PTPRD: variants seen among roughly 807,000 people sequenced by gnomAD.
PTPRD encodes protein tyrosine phosphatase receptor type D.
Under a neutral mutation model 214.5 loss-of-function variants are expected in PTPRD, and 34 were observed. The ratio of observed to expected loss-of-function variants is 0.16; its 90% CI spans 0.12 to 0.21. The LOEUF (loss-of-function observed/expected upper bound fraction) is 0.21. Among genes scored for constraint, PTPRD ranks in the 10% least tolerant of loss-of-function variants. PTPRD has a pLI of 1.00. For synonymous variants in PTPRD, 1,128 were observed against 845.7 expected, an observed-to-expected ratio of 1.33 and a Z score of -5.79; for missense variants, 2,545 against 2,398.7, an observed-to-expected ratio of 1.06 and a Z score of -1.27.
At chr9:10,421,950 G>A (rs1469582411) in intron 2 of PTPRD, among the ~76,000 whole-genome samples, 1 of 151,842 alleles carries the variant, frequency 6.6e-6, no homozygotes, top group Non-Finnish European at 1.5e-5. Flanking sequence ...AGATTAGTAT[G>A]GAGAATGATT....
rs530162196 is a variant in PTPRD, at chr9:9,019,573, G to A, written c.-142-838C>T. 7.2e-5 allele frequency among the ~76,000 whole-genome samples: 11 copies of A among 152,146 alleles called. No individual in the cohort carries two copies. The South Asian group carries it at 1.0e-3, about 14-fold the overall frequency. On this transcript the variant is annotated intron_variant, in intron 10 of 45. Transcript: ENST00000381196. ...TACAAATAATTAGCCAGGCGTGGTC[G>A]TGTGCATCTGTAATCCCAGCTACTC...
chr9:8,561,997 G>T (rs1051145891), intron 14 of PTPRD, among the ~76,000 whole-genome samples: 1 of 152,054 alleles, frequency 6.6e-6, no homozygotes, highest in African/African-American at 2.4e-5. Flanking sequence ...GTTTCCTAAA[G>T]ACCTACCATT....
At chr9:9,915,668 C>T (rs964307376) in intron 5 of PTPRD, among the ~76,000 whole-genome samples, 1 of 150,802 alleles carries the variant, frequency 6.6e-6, no homozygotes, top group Non-Finnish European at 1.5e-5. Flanking sequence ...GAAAACAGAT[C>T]TTTTTAAATG....
At chr9:10,063,902 G>A (rs1457822397) in intron 3 of PTPRD, among the ~76,000 whole-genome samples, 4 of 151,940 alleles carry the variant, frequency 2.6e-5, no homozygotes, top group African/African-American at 7.2e-5. Context: ...AAATTACAAA[G>A]TTCAAAGAGC....
At chr9:9,887,473 G>A (rs188693594) in intron 5 of PTPRD, among the ~76,000 whole-genome samples, 2 of 152,230 alleles carry the variant, frequency 1.3e-5, no homozygotes, top group East Asian at 3.9e-4. Flanking sequence ...TAATACTTGT[G>A]TAGGACCACA....
intron 10 of PTPRD, among the ~76,000 whole-genome samples, chr9:9,099,814 C>T (rs115628327): frequency 6.6e-6 from 1 of 152,222 alleles, no homozygotes; most frequent in African/African-American, 2.4e-5. Flanking sequence ...GTCACTGTGA[C>T]ATCTACAGCT....
At chr9:9,912,968 A>C (rs1441858431) in intron 5 of PTPRD, among the ~76,000 whole-genome samples, 1 of 152,182 alleles carries the variant, frequency 6.6e-6, no homozygotes. Context: ...TTATGAATGC[A>C]AATAAAGACA....
intron 5 of PTPRD, among the ~76,000 whole-genome samples, chr9:9,790,110 T>C (rs903034243): frequency 6.6e-6 from 1 of 152,166 alleles, no homozygotes; most frequent in Non-Finnish European, 1.5e-5. Context: ...GGTGGGAATA[T>C]CTGGCTGGGA....
At chr9:10,031,647 T>TATATATATATATATATATACAC in intron 4 of PTPRD, among the ~76,000 whole-genome samples, 15 of 89,650 alleles carry the variant, frequency 1.7e-4, no homozygotes, top group African/African-American at 1.1e-3. Context: ...TATATATATA[T>TATATATATATATATATATACAC]ACACACACAC....
intron 27 of PTPRD, among the ~76,000 whole-genome samples, chr9:8,489,125 T>C (rs1485473755): frequency 6.6e-6 from 1 of 152,242 alleles, no homozygotes; most frequent in Non-Finnish European, 1.5e-5. Context: ...TTTCACTTTA[T>C]AATATTGCTA....
At chr9:10,363,538 T>G (rs2097437510) in intron 2 of PTPRD, among the ~76,000 whole-genome samples, 1 of 152,232 alleles carries the variant, frequency 6.6e-6, no homozygotes, top group South Asian at 2.1e-4. Context: ...TGCAATGATT[T>G]GTCTGGATAT....
intron 9 of PTPRD, among the ~76,000 whole-genome samples, chr9:9,207,883 T>A (rs1156305393): frequency 6.6e-6 from 1 of 151,920 alleles, no homozygotes; most frequent in East Asian, 1.9e-4. Context: ...CAAAAAGGAA[T>A]GAGAAATAAC....
Position 8,316,737 on chromosome 9 carries a change from G to C in PTPRD, c.*1137C>G. 1 of 230,114 alleles carries C rather than the reference G, an allele frequency of 4.3e-6. No homozygotes were observed. 14.3% of individuals were successfully genotyped at this position (230,114 alleles called of 1,614,324 possible). A position where few individuals can be genotyped will look rare whatever the true frequency, so the allele number is the denominator to read the frequency against. Reference sequence around the variant, plus strand: ...GATTGGTTAGGTGGGGGTAGATTAGGTAGGAAATCAGGGGGTGAGGTTTGA... The same window carrying C: ...GATTGGTTAGGTGGGGGTAGATTAGCTAGGAAATCAGGGGGTGAGGTTTGA... On this transcript the variant is annotated 3_prime_UTR_variant, in exon 46 of 46. Coordinates refer to ENST00000381196, the MANE Select transcript of PTPRD (RefSeq NM_002839.4).
rs577510805 is a variant in PTPRD, at chr9:9,581,136, T to C, written c.-286-6355A>G. On this transcript the variant is annotated intron_variant, in intron 7 of 45. Transcript: ENST00000381196. ...GTTTTTTATAGATCTGTAAGAATAGTAAATAGATTAGAAAGCTTCTAGTCT... is the reference window on the plus strand; with the variant it reads ...GTTTTTTATAGATCTGTAAGAATAGCAAATAGATTAGAAAGCTTCTAGTCT... Among the ~76,000 whole-genome samples the C allele has an allele frequency of 2.6e-5, 4 of 152,266 alleles. No individual in the cohort carries two copies. In the East Asian group the frequency reaches 7.7e-4, roughly 29 times the overall value.
chr9:9,337,617 C>A (rs1299563978), intron 9 of PTPRD, among the ~76,000 whole-genome samples: 1 of 152,118 alleles, frequency 6.6e-6, no homozygotes, highest in Non-Finnish European at 1.5e-5. Context: ...CCTGACAAAT[C>A]GCATACGTGA....
At chr9:9,571,208 T>A (rs1345943396) in intron 8 of PTPRD, among the ~76,000 whole-genome samples, 1 of 151,460 alleles carries the variant, frequency 6.6e-6, no homozygotes, top group African/African-American at 2.4e-5. Context: ...TTTTTAAAAA[T>A]AAACAATCCT....
At chr9:9,296,292 C>G (rs1333529131) in intron 9 of PTPRD, among the ~76,000 whole-genome samples, 1 of 151,662 alleles carries the variant, frequency 6.6e-6, no homozygotes, top group Non-Finnish European at 1.5e-5. Context: ...CTCACATGAC[C>G]TTTAATTACT....
chr9:9,962,185 G>A (rs1452633015), intron 4 of PTPRD, among the ~76,000 whole-genome samples: 1 of 151,968 alleles, frequency 6.6e-6, no homozygotes, highest in Non-Finnish European at 1.5e-5. Context: ...AAGCAATGAA[G>A]GCTGAACATA....
chr9:10,062,324 G>A (rs1244934081), intron 3 of PTPRD, among the ~76,000 whole-genome samples: 2 of 152,036 alleles, frequency 1.3e-5, no homozygotes, highest in African/African-American at 2.4e-5. Flanking sequence ...TTGGTTTTCA[G>A]CCAGGTGCAG....
Sources: gnomAD v4.1 joint callset for allele counts (sites outside exome capture counted in the v4.1 genomes callset) on GRCh38, gnomAD v4.1.1 for gene constraint, MANE v1.5 for transcripts, NCBI Gene and HGNC (gene_info 2026-07-23, HGNC 2026-07-21) for gene names.